Variants in ENDOD1 observed in about 807,000 individuals in gnomAD.
ENDOD1 encodes endonuclease domain containing 1, also known as endonuclease domain-containing 1 protein.
Under a neutral mutation model 6.5 loss-of-function variants are expected in ENDOD1, and 9 were observed. The observed-to-expected ratio is 1.39, with a 90% confidence interval of 0.84 to 2.43. The LOEUF (loss-of-function observed/expected upper bound fraction) is 2.43. ENDOD1 is among the 30% of genes most tolerant of loss of function. The pLI, the probability that ENDOD1 is intolerant of heterozygous loss-of-function variation, is 0.00. For missense variants in ENDOD1, 648 were observed against 635.5 expected, an observed-to-expected ratio of 1.02 and a Z score of -0.21; for synonymous variants, 255 against 255.2, an observed-to-expected ratio of 1.00 and a Z score of 0.01.
At chr11:95,099,559 C>T (rs972225814) in intron 1 of ENDOD1, among the ~76,000 whole-genome samples, 26 of 152,206 alleles carry the variant, frequency 1.7e-4, no homozygotes, top group African/African-American at 5.8e-4. Flanking sequence ...CAGCTTGGCT[C>T]CCAGGAAGGA....
chr11:95,090,207 C>T lies in ENDOD1; in HGVS notation c.280C>T (p.Arg94Ter). The T allele has an allele frequency of 7.1e-7, 1 of 1,401,710 alleles. No homozygotes were observed. The highest frequency in any genetic ancestry group is 9.4e-7 in the Non-Finnish European group (1 of 1,064,258). 86.8% of individuals were successfully genotyped at this position (1,401,710 alleles called of 1,614,324 possible). A position where few individuals can be genotyped will look rare whatever the true frequency, so the allele number is the denominator to read the frequency against. ...PRPAPGGAEQRWLVEPQIDDP... is the reference protein window; with the variant it reads ...PRPAPGGAEQ ...CCCTGCGCCCGGCGGCGCCGAGCAG[C>T]GATGGCTGGTGGAGCCGCAGGTAAG... is the stretch of plus-strand genomic sequence containing the variant. The change falls in exon 1 of 2, where the codon CGA becomes TGA. Residue 94 changes from arginine to a stop codon, truncating the protein, a stop_gained. Transcript: ENST00000278505. LOFTEE classifies it low-confidence loss of function (END_TRUNC).
At chr11:95,125,500 T>A (rs1859302637) in intron 1 of ENDOD1, among the ~76,000 whole-genome samples, 1 of 152,126 alleles carries the variant, frequency 6.6e-6, no homozygotes, top group Non-Finnish European at 1.5e-5. Flanking sequence ...CGTGCAGGTT[T>A]GTTACATATG....
chr11:95,124,993 T>A (rs1195761150), intron 1 of ENDOD1, among the ~76,000 whole-genome samples: 1 of 152,132 alleles, frequency 6.6e-6, no homozygotes, highest in Non-Finnish European at 1.5e-5. Flanking sequence ...TCTCATTTGC[T>A]TCCCTTTTTT....
At position 95,129,473 on chromosome 11, in the gene ENDOD1, T is replaced by C. The variant is rs763897010; in HGVS notation, c.1397T>C (p.Leu466Pro). The change falls in exon 2 of 2, where the codon CTC (leucine) becomes CCC (proline). Residue 466 changes from leucine to proline, a missense_variant. Leu to Pro is a moderately conservative substitution (Grantham distance 98). Transcript: ENST00000278505. ...ALGLGGTVSLLFDTAFGTLGG... is the reference protein window; with the variant it reads ...ALGLGGTVSLPFDTAFGTLGG... ...GGCCTTGGTGGCACTGTCTCACTGC[T>C]CTTTGACACTGCTTTTGGTACCCTG... 8 of 1,614,100 alleles carry C rather than the reference T, an allele frequency of 5.0e-6. No homozygotes were observed. In the Admixed American group the frequency reaches 1.2e-4, roughly 24 times the overall value.
chr11:95,098,803 A>G (rs1322770862), intron 1 of ENDOD1, among the ~76,000 whole-genome samples: 2 of 152,100 alleles, frequency 1.3e-5, no homozygotes, highest in Non-Finnish European at 2.9e-5. Flanking sequence ...TTAAACTACT[A>G]TTGCATTTTT....
intron 1 of ENDOD1, among the ~76,000 whole-genome samples, chr11:95,096,886 A>C (rs1555110374): frequency 6.6e-6 from 1 of 152,234 alleles, no homozygotes; most frequent in African/African-American, 2.4e-5. Context: ...CAAGGTGCCA[A>C]GCATGGTGGC....
At chr11:95,107,492 C>T (rs956645856) in intron 1 of ENDOD1, among the ~76,000 whole-genome samples, 3 of 152,086 alleles carry the variant, frequency 2.0e-5, no homozygotes, top group Non-Finnish European at 4.4e-5. Flanking sequence ...GTAAGGGACT[C>T]CTCTGAATTC....
chr11:95,110,236 C>T (rs1555111769), intron 1 of ENDOD1, among the ~76,000 whole-genome samples: 1 of 152,210 alleles, frequency 6.6e-6, no homozygotes, highest in African/African-American at 2.4e-5. Flanking sequence ...CCCTCATCTG[C>T]CCTCCTTTCA....
At chr11:95,095,959 A>G (rs1858979521) in intron 1 of ENDOD1, among the ~76,000 whole-genome samples, 2 of 152,112 alleles carry the variant, frequency 1.3e-5, no homozygotes, top group South Asian at 4.1e-4. Flanking sequence ...AGTTCTTTGG[A>G]TGGTTTATGG....
chr11:95,121,862 A>G (rs1369895444), intron 1 of ENDOD1, among the ~76,000 whole-genome samples: 1 of 152,236 alleles, frequency 6.6e-6, no homozygotes, highest in East Asian at 1.9e-4. Flanking sequence ...CAGGAACTGT[A>G]TCAAATTACA....
intron 1 of ENDOD1, among the ~76,000 whole-genome samples, chr11:95,101,157 G>A (rs1555110825): frequency 6.6e-6 from 1 of 152,080 alleles, no homozygotes; most frequent in Non-Finnish European, 1.5e-5. Context: ...TATTGTCTCT[G>A]TTGCTACTAT....
chr11:95,092,276 A>C (rs530107597), intron 1 of ENDOD1, among the ~76,000 whole-genome samples: 72 of 152,182 alleles, frequency 4.7e-4, no homozygotes, highest in Non-Finnish European at 9.6e-4. Flanking sequence ...TCAATTGCTC[A>C]GAATAAAAAG....
chr11:95,122,517 TGC>T (rs1193969615), intron 1 of ENDOD1, among the ~76,000 whole-genome samples: 1 of 24 alleles, frequency 0.042, no homozygotes, highest in African/African-American at 0.12. Flanking sequence ...GGTTTATATG[TGC>T]GTGAGCCACC....
At chr11:95,093,428 G>A (rs1858950499) in intron 1 of ENDOD1, among the ~76,000 whole-genome samples, 1 of 152,054 alleles carries the variant, frequency 6.6e-6, no homozygotes, top group South Asian at 2.1e-4. Flanking sequence ...CTCTGCTGAG[G>A]TGTCACCTCC....
At chr11:95,117,925 T>A (rs1183072391) in intron 1 of ENDOD1, among the ~76,000 whole-genome samples, 1 of 152,214 alleles carries the variant, frequency 6.6e-6, no homozygotes, top group Non-Finnish European at 1.5e-5. Context: ...GTGTATCTGC[T>A]GTATATTTTT....
intron 1 of ENDOD1, among the ~76,000 whole-genome samples, chr11:95,108,535 A>ACACACACACACACACACAC (rs1325896470): frequency 5.4e-5 from 8 of 148,240 alleles, no homozygotes; most frequent in African/African-American, 1.5e-4. Context: ...ACAGACACCC[A>ACACACACACACACACACAC]AAAAAAGAAA....
chr11:95,125,691 G>A lies in ENDOD1; in HGVS notation c.301-2686G>A, dbSNP rs1859305263. Among the ~76,000 whole-genome samples, 8 of 151,488 alleles carry A rather than the reference G, an allele frequency of 5.3e-5. No homozygotes were observed. In the South Asian group the frequency reaches 1.7e-3, roughly 32 times the overall value. On this transcript the variant is annotated intron_variant, in intron 1 of 1. Coordinates refer to ENST00000278505, the MANE Select transcript of ENDOD1 (RefSeq NM_015036.3). ...TCCCACCTATGAGTGAGAACATGTG[G>A]TATTTGGTTTTTTGTCCTTGTGATA...
At chr11:95,122,858 G>A (rs1271406208) in intron 1 of ENDOD1, among the ~76,000 whole-genome samples, 1 of 152,176 alleles carries the variant, frequency 6.6e-6, no homozygotes, top group East Asian at 1.9e-4. Context: ...GAGCAAATGG[G>A]CATTTTCCTC....
At chr11:95,102,554 C>G (rs988849647) in intron 1 of ENDOD1, among the ~76,000 whole-genome samples, 14 of 152,116 alleles carry the variant, frequency 9.2e-5, no homozygotes, top group Admixed American at 6.6e-5. Flanking sequence ...TGCCTGTAAT[C>G]CCAGCTACTT....
Sources: allele counts gnomAD v4.1 joint callset (sites outside exome capture counted in the v4.1 genomes callset), GRCh38; gene constraint gnomAD v4.1.1; transcripts MANE v1.5; gene names NCBI Gene and HGNC (gene_info 2026-07-23, HGNC 2026-07-21).